The following TP73 variants were observed in gnomAD, a reference collection of about 807,000 sequenced individuals.
The protein encoded by TP73 is tumor protein p73, also known as p53-like transcription factor.
A neutral mutation model predicts 62.5 loss-of-function variants in TP73; 25 were observed. The ratio of observed to expected loss-of-function variants is 0.40; its 90% confidence interval spans 0.29 to 0.56. The LOEUF is 0.56. Among genes scored for constraint, TP73 ranks in the 20% least tolerant of loss-of-function variants. The probability of loss-of-function intolerance (pLI) is 0.46; values close to 1 mark genes in which losing one functional copy is unlikely to be tolerated. For missense variants in TP73, 754 were observed against 913.3 expected, an observed-to-expected ratio of 0.83 and a Z score of 2.25; for synonymous variants, 423 against 377.5, an observed-to-expected ratio of 1.12 and a Z score of -1.40.
chr1:3,726,900 T>TTGATGGATGGGTG (rs1307730715), intron 6 of TP73, among the ~76,000 whole-genome samples: 4 of 122,812 alleles, frequency 3.3e-5, no homozygotes, highest in African/African-American at 1.2e-4. Flanking sequence ...ATAAATGGGT[T>TTGATGGATGGGTG]CGATGGATGG....
intron 3 of TP73, among the ~76,000 whole-genome samples, chr1:3,687,873 C>T (rs893943146): frequency 1.3e-4 from 20 of 152,126 alleles, no homozygotes; most frequent in African/African-American, 4.8e-4. Context: ...CTGGGAGCCC[C>T]GGGAACCCAG....
At chr1:3,714,066 T>C (rs6688320) in intron 4 of TP73, 4 of 152,152 alleles carry the variant, frequency 2.6e-5, no homozygotes, top group Non-Finnish European at 5.9e-5. Context: ...GCACCTGGCG[T>C]TGGGGAGACA....
chr1:3,710,508 C>A (rs754923374), intron 4 of TP73, among the ~76,000 whole-genome samples: 84 of 152,282 alleles, frequency 5.5e-4, no homozygotes, highest in Admixed American at 1.2e-3. Context: ...GGCCTCTGCA[C>A]CGTGACTCCT....
chr1:3,731,496 C>T lies in TP73; in HGVS notation c.1518C>T (p.Ile506=). ...CAGGATTGGGGTGTCCAAACTGCAT[C>T]GAGTATTTCACCTCCCAAGGGTTAC... The part of the protein sequence containing the change: ...FLTGLGCPNC[I]EYFTSQGLQS... The change falls in exon 13 of 14, where the codon ATC becomes ATT. Residue 506 remains isoleucine (I), a synonymous_variant. Transcript: ENST00000378295. The T allele has an allele frequency of 6.2e-7, 1 of 1,613,828 alleles. No homozygotes were observed.
chr1:3,656,760 A>T (rs749842935), intron 1 of TP73, among the ~76,000 whole-genome samples: 18 of 152,240 alleles, frequency 1.2e-4, no homozygotes, highest in Non-Finnish European at 2.2e-4. Context: ...GGGCCCTTCC[A>T]GAACATCTAA....
At position 3,662,058 on chromosome 1, in the gene TP73, CAA is replaced by C. The variant is rs34860315; in HGVS notation, c.-34+9427_-34+9428del. 9 of 140,650 alleles carry C rather than the reference CAA, an allele frequency of 6.4e-5. No individual in the cohort carries two copies. The highest frequency in any genetic ancestry group is 7.1e-5 in the Admixed American group (1 of 14,118). The allele number at this position is 140,650 out of a possible 1,614,324, so 8.7% of individuals were successfully genotyped here. A position where few individuals can be genotyped will look rare whatever the true frequency, so the allele number is the denominator to read the frequency against. On this transcript the variant is annotated intron_variant, in intron 1 of 13. Coordinates refer to ENST00000378295, the MANE Select transcript of TP73 (RefSeq NM_005427.4). The surrounding 1 kb of genome is among the most constrained non-coding windows in gnomAD (Gnocchi z 4.4). ...TGGGTGACAGAGTGAGACCCTGTCT[CAA>C]AAAAAAAAAGAACTAGTTCACACCC...
chr1:3,667,863 A>G (rs970918208), intron 1 of TP73, among the ~76,000 whole-genome samples: 3 of 152,222 alleles, frequency 2.0e-5, no homozygotes, highest in African/African-American at 7.2e-5. Flanking sequence ...AGGGGAGTTC[A>G]GGAATAGCTT....
chr1:3,698,479 C>T (rs1211117009), intron 3 of TP73, among the ~76,000 whole-genome samples: 2 of 152,184 alleles, frequency 1.3e-5, no homozygotes, highest in African/African-American at 4.8e-5. Context: ...TCCAGGCTGC[C>T]CCTCGCCACA....
intron 13 of TP73, among the ~76,000 whole-genome samples, chr1:3,732,236 C>G (rs910381255): frequency 1.3e-5 from 2 of 152,222 alleles, no homozygotes; most frequent in African/African-American, 2.4e-5. Context: ...AGGGTCAGTG[C>G]GAGCTAGGGC....
Position 3,689,892 on chromosome 1 carries a change from G to T in TP73, c.186+6712G>T, listed in dbSNP as rs145389759. The stretch of plus-strand genomic sequence containing the variant: ...CTTCCAGGGGGACTCGGGCCCCTCT[G>T]CCAGGGTCAACTTTGTACCCAAGAC... On this transcript the variant is annotated intron_variant, in intron 3 of 13. Transcript: ENST00000378295. Among the ~76,000 whole-genome samples the T allele has an allele frequency of 8.4e-3, 1,281 of 152,262 alleles. 16 individuals are homozygous for T. The highest frequency in any genetic ancestry group is 0.029 in the African/African-American group (1,214 of 41,546).
rs776547655 is a variant in TP73 at position 3,707,685 on chromosome 1, C to A, written c.323C>A (p.Thr108Asn). Residue 108 changes from threonine (T) to asparagine (N), a missense_variant, in exon 4 of 14, where the codon ACC becomes AAC. Transcript: ENST00000378295. ...PYAQPSSTFD[T>N]MSPAPVIPSN... ...GCACAACCCAGCTCCACCTTCGACACCATGTCGCCGGCGCCTGTCATCCCC... is the reference window on the plus strand; with the variant it reads ...GCACAACCCAGCTCCACCTTCGACAACATGTCGCCGGCGCCTGTCATCCCC... 2.5e-6 allele frequency: 4 copies of A among 1,613,150 alleles called. No individual in the cohort carries two copies. In the African/African-American group the frequency reaches 5.3e-5, roughly 22 times the overall value.
chr1:3,690,956 G>A (rs3765730), intron 3 of TP73: 535,873 of 1,574,086 alleles, frequency 0.34, 95,825 homozygotes, highest in Non-Finnish European at 0.37. Flanking sequence ...TAGGTGTGAC[G>A]CGCCATTCAT....
At chr1:3,727,556 TG>T in intron 7 of TP73, 71 bp from the exon 8 acceptor site, 8 of 1,542,414 alleles carry the variant, frequency 5.2e-6, no homozygotes, top group Non-Finnish European at 6.1e-6. Context: ...GGGTCCGAGG[TG>T]GGTGGGGAAG....
chr1:3,727,848 G>T (rs919611193), intron 8 of TP73, 78 bp downstream of exon 8: 2 of 1,453,840 alleles, frequency 1.4e-6, no homozygotes. Flanking sequence ...GTGAGCCCGC[G>T]TCCCAGGGAC....
intron 4 of TP73, among the ~76,000 whole-genome samples, chr1:3,721,492 C>T (rs1402269678): frequency 6.6e-6 from 1 of 152,256 alleles, no homozygotes; most frequent in Admixed American, 6.5e-5. Context: ...AGAGAGCTCT[C>T]TATGGAAGCT....
chr1:3,669,295 C>T (rs556572913), intron 1 of TP73, among the ~76,000 whole-genome samples: 27 of 152,294 alleles, frequency 1.8e-4, no homozygotes, highest in African/African-American at 5.5e-4. Flanking sequence ...TCCCAGGAGG[C>T]GGCTTGGAAA....
Position 3,693,793 on chromosome 1 carries a change from G to T in TP73, c.186+10613G>T, listed in dbSNP as rs78190054. Among the ~76,000 whole-genome samples the T allele has an allele frequency of 4.5e-4, 17 of 37,404 alleles. 1 individual carries two copies. Among genetic ancestry groups the T allele is most frequent in the South Asian group, 1.1e-3 (1 of 916 alleles). The allele number at this position is 37,404 out of a possible 152,430, so 24.5% of individuals were successfully genotyped here. A position where few individuals can be genotyped will look rare whatever the true frequency, so the allele number is the denominator to read the frequency against. On this transcript the variant is annotated intron_variant, in intron 3 of 13. Transcript: ENST00000378295. ...CCATGCAGCCTCAGCCCCTCCTCCC[G>T]CAATCCCAGCCCTGCAGCCTCAGCC... is the stretch of plus-strand genomic sequence containing the variant.
At position 3,730,983 on chromosome 1, in the gene TP73, A is replaced by G. The variant is rs913217326; in HGVS notation, c.1402A>G (p.Ser468Gly). Residue 468 changes from serine (S) to glycine (G), a missense_variant, in exon 12 of 14, where the codon AGC (serine) becomes GGC (glycine). Coordinates refer to ENST00000378295, the MANE Select transcript of TP73 (RefSeq NM_005427.4). ...HAVPANGEMS[S>G]SHSAQSMVSG... is the part of the protein sequence containing the mutation. The stretch of plus-strand genomic sequence containing the variant: ...AGTGCCAGCCAACGGCGAGATGAGC[A>G]GCAGCCACAGCGCCCAGTCCATGGT... 1.2e-6 allele frequency: 2 copies of G among 1,612,064 alleles called. No individual in the cohort carries two copies. Among genetic ancestry groups the G allele is most frequent in the Non-Finnish European group, 1.7e-6 (2 of 1,179,724 alleles).
At chr1:3,681,395 C>T (rs1645517371) in intron 1 of TP73, among the ~76,000 whole-genome samples, 3 of 152,334 alleles carry the variant, frequency 2.0e-5, no homozygotes, top group Admixed American at 2.0e-4. Context: ...CCCAGCTGTG[C>T]TCTGCCTGGA....
Sources: allele counts gnomAD v4.1 joint callset (sites outside exome capture counted in the v4.1 genomes callset), GRCh38; gene constraint gnomAD v4.1.1; non-coding constraint Gnocchi (gnomAD v3.1); transcripts MANE v1.5; gene names NCBI Gene and HGNC (gene_info 2026-07-23, HGNC 2026-07-21).